The following MALRD1 variants were observed in gnomAD, a reference collection of about 807,000 sequenced individuals.
MALRD1 encodes the protein MAM and LDL receptor class A domain containing 1, also known as MAM and LDL-receptor class A domain-containing protein 1.
Under a neutral mutation model 242.1 loss-of-function variants are expected in MALRD1, and 247 were observed. The observed-to-expected ratio is 1.02, with a 90% CI of 0.92 to 1.13. The LOEUF (loss-of-function observed/expected upper bound fraction) is 1.13. Among genes scored for constraint, MALRD1 ranks in the 50% most tolerant of loss-of-function variants. MALRD1 has a pLI of 0.00. For missense variants in MALRD1, 2,989 were observed against 2,533.1 expected (o/e 1.18, Z -3.86); for synonymous variants, 995 against 866.6 (o/e 1.15, Z -2.60).
intron 28 of MALRD1, among the ~76,000 whole-genome samples, chr10:19,416,745 A>G (rs142170433): frequency 1.7e-3 from 254 of 152,322 alleles, no homozygotes; most frequent in African/African-American, 5.2e-3. Flanking sequence ...TGCATCAGCA[A>G]ATGAGCCTAC....
intron 29 of MALRD1, among the ~76,000 whole-genome samples, chr10:19,484,776 G>C (rs1343690564): frequency 6.6e-6 from 1 of 151,726 alleles, no homozygotes; most frequent in African/African-American, 2.4e-5. Flanking sequence ...ATTTCTTAAA[G>C]TACTAAAGGT....
chr10:19,430,141 G>A, intron 28 of MALRD1, among the ~76,000 whole-genome samples: 1 of 84,708 alleles, frequency 1.2e-5, no homozygotes, highest in South Asian at 3.4e-4. Flanking sequence ...TTGAGATGGA[G>A]GCTCACTCTG....
chr10:19,205,415 A>T (rs1234296669), intron 17 of MALRD1, 150 bp downstream of exon 17: 1 of 953,640 alleles, frequency 1.0e-6, no homozygotes. Flanking sequence ...TCAAGCCATC[A>T]GTATTTTTAA....
rs76109789 is a variant in MALRD1 at position 19,475,911 on chromosome 10, T to C, written c.5030-15606T>C. Among the ~76,000 whole-genome samples, 391 of 152,324 alleles carry C rather than the reference T, an allele frequency of 2.6e-3. 9 individuals are homozygous for C. In the East Asian group the frequency reaches 0.052, roughly 20 times the overall value. On this transcript the variant is annotated intron_variant, in intron 29 of 39. Coordinates refer to ENST00000454679, the MANE Select transcript of MALRD1 (RefSeq NM_001142308.3). Reference sequence around the variant, plus strand: ...TCAAAGAGATTCTAAAACCTCATGTTTGGGAAAGTTATATTTCCTTGAACG... The same window carrying C: ...TCAAAGAGATTCTAAAACCTCATGTCTGGGAAAGTTATATTTCCTTGAACG...
chr10:19,465,803 C>T (rs530926934), intron 29 of MALRD1, among the ~76,000 whole-genome samples: 70 of 152,246 alleles, frequency 4.6e-4, no homozygotes, highest in African/African-American at 1.6e-3. Context: ...CAAAGTGCTG[C>T]GATAACTGAG....
At chr10:19,712,415 G>A (rs547214236) in intron 38 of MALRD1, among the ~76,000 whole-genome samples, 8 of 152,266 alleles carry the variant, frequency 5.3e-5, no homozygotes, top group African/African-American at 1.7e-4. Flanking sequence ...ATTCAGAACA[G>A]TTTAACTAAA....
chr10:19,117,094 C>CAA (rs35620225), intron 5 of MALRD1, among the ~76,000 whole-genome samples: 10 of 70,878 alleles, frequency 1.4e-4, no homozygotes, highest in African/African-American at 3.4e-4. Context: ...GACTCTGTCT[C>CAA]AAAAAAAAAA....
chr10:19,497,549 A>G (rs974513402), intron 30 of MALRD1, among the ~76,000 whole-genome samples: 5 of 152,032 alleles, frequency 3.3e-5, no homozygotes, highest in Admixed American at 1.3e-4. Flanking sequence ...TTTGCTTGCT[A>G]TATATTTAGT....
At chr10:19,278,368 T>A (rs1447693704) in intron 19 of MALRD1, among the ~76,000 whole-genome samples, 1 of 152,174 alleles carries the variant, frequency 6.6e-6, no homozygotes, top group African/African-American at 2.4e-5. Context: ...GGTTTTCCTC[T>A]GTTTTCTTTC....
chr10:19,473,489 C>T (rs187452399), intron 29 of MALRD1, among the ~76,000 whole-genome samples: 17 of 150,206 alleles, frequency 1.1e-4, no homozygotes, highest in Admixed American at 1.1e-3. Flanking sequence ...TTTCTCCTTC[C>T]CCAGCCCCTG....
rs1554814500 is a variant in MALRD1 at position 19,615,998 on chromosome 10, A to T, written c.6137+75A>T. ...TACTTATTTTTCTATAGGCTGATAT[A>T]ATAGAGCATCAATCAGTTTGTGGTT... On this transcript the variant is annotated intron_variant, in intron 36 of 39. Coordinates refer to ENST00000454679, the MANE Select transcript of MALRD1 (RefSeq NM_001142308.3). 17 of 1,023,702 alleles carry T rather than the reference A, an allele frequency of 1.7e-5. No homozygotes were observed. In the South Asian group the frequency reaches 2.2e-4, roughly 13 times the overall value. 63.4% of individuals were successfully genotyped at this position (1,023,702 alleles called of 1,614,324 possible).
intron 31 of MALRD1, among the ~76,000 whole-genome samples, chr10:19,502,677 A>G (rs1365224449): frequency 6.6e-6 from 1 of 152,180 alleles, no homozygotes; most frequent in African/African-American, 2.4e-5. Flanking sequence ...GATCTGGACA[A>G]TAACGTGTGG....
rs142454949 is a variant in MALRD1 at position 19,482,375 on chromosome 10, A to T, written c.5030-9142A>T. On this transcript the variant is annotated intron_variant, in intron 29 of 39. Transcript: ENST00000454679. ...TTCATGTATTAAAAAGCTAAAAAAA[A>T]GTCAAACAAAAAACCAGTTTTATTA... Among the ~76,000 whole-genome samples the T allele has an allele frequency of 2.5e-3, 375 of 152,214 alleles. 7 individuals carry two copies. The East Asian group carries it at 0.05, about 20-fold the overall frequency.
At chr10:19,283,278 C>A (rs4748570) in intron 21 of MALRD1, 97 bp downstream of exon 21, 1 of 999,058 alleles carries the variant, frequency 1.0e-6, no homozygotes, top group Non-Finnish European at 1.3e-6. Context: ...GCCAATGCTA[C>A]TGTAAAGACA....
In MALRD1 at chr10:19,055,500, C is replaced by T. The variant is rs560235557; in HGVS notation, c.199+6363C>T. ...GTACCAATGTCATGGAGCTTTTCTC[C>T]ATCTTTGCTTTTACAGGTAGAAGTT... On this transcript the variant is annotated intron_variant, in intron 1 of 39. Transcript: ENST00000454679. Among the ~76,000 whole-genome samples, 120 of 152,220 alleles carry T rather than the reference C, an allele frequency of 7.9e-4. 2 individuals carry two copies. Among genetic ancestry groups the T allele is most frequent in the African/African-American group, 2.7e-3 (114 of 41,536 alleles).
At chr10:19,215,807 A>G (rs1320804395) in intron 18 of MALRD1, among the ~76,000 whole-genome samples, 1 of 51,862 alleles carries the variant, frequency 1.9e-5, no homozygotes, top group Non-Finnish European at 5.3e-5. Flanking sequence ...ATATTTATTT[A>G]TATAAATAAT....
In MALRD1 at chr10:19,085,018, G is replaced by A. The variant is rs1164867861; in HGVS notation, c.341-2822G>A. Reference sequence around the variant, plus strand: ...AATGAGGATGGTGTAGAGATTAATAGAGATATATGATGATAATGGTGATTA... The same window carrying A: ...AATGAGGATGGTGTAGAGATTAATAAAGATATATGATGATAATGGTGATTA... On this transcript the variant is annotated intron_variant, in intron 2 of 39. Coordinates refer to ENST00000454679, the MANE Select transcript of MALRD1 (RefSeq NM_001142308.3). Among the ~76,000 whole-genome samples, 5 of 151,886 alleles carry A rather than the reference G, an allele frequency of 3.3e-5. No individual in the cohort carries two copies. In the East Asian group the frequency reaches 9.7e-4, roughly 29 times the overall value.
intron 12 of MALRD1, among the ~76,000 whole-genome samples, chr10:19,161,698 A>ATAG (rs1834425994): frequency 6.6e-6 from 1 of 152,112 alleles, no homozygotes; most frequent in Non-Finnish European, 1.5e-5. Flanking sequence ...TATGTTAAGT[A>ATAG]TAGTAGCTAC....
intron 14 of MALRD1, among the ~76,000 whole-genome samples, chr10:19,195,247 C>T (rs760210431): frequency 2.6e-5 from 4 of 152,206 alleles, no homozygotes; most frequent in East Asian, 1.9e-4. Context: ...CAGGTAACCA[C>T]ATTTTCCATT....
Sources: gnomAD v4.1 joint callset for allele counts (sites outside exome capture counted in the v4.1 genomes callset) on GRCh38, gnomAD v4.1.1 for gene constraint, MANE v1.5 for transcripts, NCBI Gene and HGNC (gene_info 2026-07-23, HGNC 2026-07-21) for gene names.